SLIT3: variants seen among roughly 807,000 people sequenced by gnomAD.
SLIT3 encodes slit homolog 3 protein.
A neutral mutation model predicts 184.0 loss-of-function variants in SLIT3; 68 were observed. The observed-to-expected ratio is 0.37, with a 90% CI of 0.30 to 0.45. The LOEUF (loss-of-function observed/expected upper bound fraction) is 0.45, where lower values mean the gene tolerates loss of function less well. SLIT3 is among the 20% of genes least tolerant of loss of function. SLIT3 has a pLI of 1.00. For missense variants in SLIT3, 1,707 were observed against 2,026.0 expected (o/e 0.84, Z 3.02); for synonymous variants, 831 against 828.6 (o/e 1.00, Z -0.05).
At chr5:169,255,544 G>A (rs76580550) in intron 1 of SLIT3, among the ~76,000 whole-genome samples, 2,207 of 152,264 alleles carry the variant, frequency 0.014, 55 homozygotes, top group African/African-American at 0.051. Flanking sequence ...TGCGTTTTAA[G>A]CTAAGTGTTA....
At chr5:168,802,829 C>T (rs1170671208) in intron 9 of SLIT3, among the ~76,000 whole-genome samples, 1 of 152,198 alleles carries the variant, frequency 6.6e-6, no homozygotes, top group Non-Finnish European at 1.5e-5. Flanking sequence ...AGACACAATG[C>T]TAAGCATTTT....
At chr5:168,738,697 G>C (rs966471507) in intron 20 of SLIT3, among the ~76,000 whole-genome samples, 8 of 152,170 alleles carry the variant, frequency 5.3e-5, no homozygotes, top group Non-Finnish European at 1.0e-4. Flanking sequence ...CCAGCACTTT[G>C]GGAGGCCGAG....
chr5:169,281,209 T>C (rs1293002183), intron 1 of SLIT3, among the ~76,000 whole-genome samples: 10 of 152,218 alleles, frequency 6.6e-5, no homozygotes, highest in East Asian at 1.9e-4. Flanking sequence ...AGGGGGAGGC[T>C]GGGCGCAGTG....
At chr5:168,741,854 G>A (rs1412805958) in intron 20 of SLIT3, among the ~76,000 whole-genome samples, 19 of 140,694 alleles carry the variant, frequency 1.4e-4, no homozygotes, top group African/African-American at 5.3e-5. Flanking sequence ...AGGATATACC[G>A]CTGTTATCCC....
At chr5:168,793,687 G>A (rs1341172735) in intron 10 of SLIT3, among the ~76,000 whole-genome samples, 1 of 152,122 alleles carries the variant, frequency 6.6e-6, no homozygotes, top group Non-Finnish European at 1.5e-5. Context: ...CAAAAAATTA[G>A]AGCAATAACT....
chr5:168,917,451 A>G (rs1761481808), intron 4 of SLIT3, among the ~76,000 whole-genome samples: 1 of 152,186 alleles, frequency 6.6e-6, no homozygotes, highest in Non-Finnish European at 1.5e-5. Flanking sequence ...CATAAATCTC[A>G]GTCAAATCCC....
At chr5:168,806,641 G>C in intron 8 of SLIT3, 54 bp from the exon 9 acceptor site, 1 of 1,605,436 alleles carries the variant, frequency 6.2e-7, no homozygotes, top group South Asian at 1.1e-5. Flanking sequence ...AGCTGCCTGG[G>C]CTTCTGTGTC....
intron 4 of SLIT3, among the ~76,000 whole-genome samples, chr5:168,907,612 T>C (rs1761094286): frequency 6.6e-6 from 1 of 152,142 alleles, no homozygotes; most frequent in Non-Finnish European, 1.5e-5. Flanking sequence ...GTATTACATG[T>C]ATGATAAAGA....
At chr5:169,105,597 C>G (rs773133324) in intron 4 of SLIT3, among the ~76,000 whole-genome samples, 1 of 152,174 alleles carries the variant, frequency 6.6e-6, no homozygotes, top group Non-Finnish European at 1.5e-5. Flanking sequence ...GACAATATCC[C>G]GAGGCCATCC....
At chr5:168,993,720 C>T (rs1755412474) in intron 4 of SLIT3, among the ~76,000 whole-genome samples, 1 of 149,744 alleles carries the variant, frequency 6.7e-6, no homozygotes, top group South Asian at 2.1e-4. Flanking sequence ...AGAAAAGAAA[C>T]AAGACACAAA....
intron 4 of SLIT3, among the ~76,000 whole-genome samples, chr5:169,097,826 C>T (rs909121023): frequency 6.6e-6 from 1 of 152,160 alleles, no homozygotes; most frequent in South Asian, 2.1e-4. Context: ...AGGTCCAAAC[C>T]CTGCTCCCCA....
At chr5:169,247,048 G>A (rs1416874340) in intron 2 of SLIT3, among the ~76,000 whole-genome samples, 1 of 151,176 alleles carries the variant, frequency 6.6e-6, no homozygotes, top group Non-Finnish European at 1.5e-5. Flanking sequence ...GATCAACAAG[G>A]TGAAACCCTG....
chr5:169,200,898 G>A (rs1460980369), intron 3 of SLIT3, among the ~76,000 whole-genome samples: 2 of 152,192 alleles, frequency 1.3e-5, no homozygotes, highest in Admixed American at 6.5e-5. Flanking sequence ...TTATACCAGT[G>A]TCATGATCAG....
chr5:169,074,181 T>C lies in SLIT3; in HGVS notation c.413+119298A>G, dbSNP rs143856971. 7.1e-3 allele frequency among the ~76,000 whole-genome samples: 1,083 copies of C among 152,230 alleles called. 10 individuals carry two copies. Among genetic ancestry groups the C allele is most frequent in the African/African-American group, 0.025 (1,018 of 41,540 alleles). Reference sequence around the variant, plus strand: ...ACATGTACCCTATAATCTCTGGAGCTGGGTAGGGGCAACAGTGTTACCCTC... The same window carrying C: ...ACATGTACCCTATAATCTCTGGAGCCGGGTAGGGGCAACAGTGTTACCCTC... On this transcript the variant is annotated intron_variant, in intron 4 of 35. Coordinates refer to ENST00000519560, the MANE Select transcript of SLIT3 (RefSeq NM_003062.4).
chr5:169,114,802 C>T (rs913108981), intron 4 of SLIT3, among the ~76,000 whole-genome samples: 23 of 152,194 alleles, frequency 1.5e-4, no homozygotes, highest in African/African-American at 5.1e-4. Flanking sequence ...TCCCTGGCTC[C>T]GTGGCGGCAG....
intron 4 of SLIT3, among the ~76,000 whole-genome samples, chr5:169,192,455 G>GTA (rs1561728028): frequency 2.0e-5 from 3 of 147,628 alleles, no homozygotes; most frequent in African/African-American, 4.9e-5. Context: ...GTGTGTGTGT[G>GTA]TATAGACATA....
rs375931917 is a variant in SLIT3 at position 168,682,114 on chromosome 5, G to A, written c.3686+1852C>T. On this transcript the variant is annotated intron_variant, in intron 32 of 35. Coordinates refer to ENST00000519560, the MANE Select transcript of SLIT3 (RefSeq NM_003062.4). The stretch of plus-strand genomic sequence containing the variant: ...GGCTCCAGGGACACAGATGTTAGGC[G>A]GCCCAGGCTCTAGGGAGACCACCAG... Among the ~76,000 whole-genome samples, 180 of 152,264 alleles carry A rather than the reference G, an allele frequency of 1.2e-3. 1 individual carries two copies. The highest frequency in any genetic ancestry group is 4.2e-3 in the African/African-American group (176 of 41,560).
At chr5:168,830,372 C>G (rs778876422) in intron 6 of SLIT3, among the ~76,000 whole-genome samples, 7 of 152,164 alleles carry the variant, frequency 4.6e-5, no homozygotes, top group Non-Finnish European at 7.4e-5. Flanking sequence ...GTACACTGCT[C>G]TAATGTGCCT....
chr5:168,850,177 T>C (rs1758619943), intron 5 of SLIT3, among the ~76,000 whole-genome samples: 1 of 152,196 alleles, frequency 6.6e-6, no homozygotes, highest in African/African-American at 2.4e-5. Context: ...CTCAGAGAAA[T>C]CAAACACTTG....
Sources: gnomAD v4.1 joint callset for allele counts (sites outside exome capture counted in the v4.1 genomes callset) on GRCh38, gnomAD v4.1.1 for gene constraint, MANE v1.5 for transcripts, NCBI Gene and HGNC (gene_info 2026-07-23, HGNC 2026-07-21) for gene names.